ZNF827: variants seen among roughly 807,000 people sequenced by gnomAD.
The protein encoded by ZNF827 is zinc finger protein 827.
In ZNF827, 13 loss-of-function variants were observed where a neutral mutation model predicts 102.4. The observed-to-expected ratio is 0.13, with a 90% confidence interval of 0.08 to 0.20. ZNF827 has a LOEUF of 0.20. ZNF827 is among the 10% of genes least tolerant of loss of function. ZNF827 has a pLI of 1.00. For synonymous variants in ZNF827, 523 were observed against 536.2 expected (o/e 0.98, Z 0.34); for missense variants, 1,103 against 1,344.4 (o/e 0.82, Z 2.81).
rs534471650 is a variant in ZNF827 at position 145,870,980 on chromosome 4, T to C, written c.1748-502A>G. 9.2e-5 allele frequency among the ~76,000 whole-genome samples: 14 copies of C among 152,302 alleles called. No individual in the cohort carries two copies. In the South Asian group the frequency reaches 2.1e-3, roughly 23 times the overall value. On this transcript the variant is annotated intron_variant, in intron 4 of 14. Coordinates refer to ENST00000508784, the MANE Select transcript of ZNF827 (RefSeq NM_001306215.2). ...AAAGCTCAGACTAGAGATAGACCAC[T>C]CTTGCCTCATTATAAGACGACACTA...
chr4:145,846,453 G>C lies in ZNF827; in HGVS notation c.2222-440C>G, dbSNP rs1301719078. On this transcript the variant is annotated intron_variant, in intron 6 of 14. Coordinates refer to ENST00000508784, the MANE Select transcript of ZNF827 (RefSeq NM_001306215.2). ...AGATCGCGCCACTACACTCCAGCCTGAGCAACAGAGCAAGACTCTGTCTCA... is the reference window on the plus strand; with the variant it reads ...AGATCGCGCCACTACACTCCAGCCTCAGCAACAGAGCAAGACTCTGTCTCA... Among the ~76,000 whole-genome samples the C allele has an allele frequency of 1.8e-4, 27 of 150,036 alleles. 1 individual carries two copies. Among genetic ancestry groups the C allele is most frequent in the African/African-American group, 6.4e-4 (26 of 40,456 alleles).
chr4:145,803,406 G>A (rs968188914), intron 8 of ZNF827, among the ~76,000 whole-genome samples: 6 of 151,802 alleles, frequency 4.0e-5, no homozygotes, highest in African/African-American at 1.5e-4. Flanking sequence ...GCTCAAGCTG[G>A]TTACCACCAA....
At chr4:145,801,194 T>C (rs1740867203) in intron 8 of ZNF827, among the ~76,000 whole-genome samples, 1 of 152,330 alleles carries the variant, frequency 6.6e-6, no homozygotes, top group East Asian at 1.9e-4. Context: ...ATAGGATTCT[T>C]TTATAGAATC....
chr4:145,766,942 C>T (rs1735394030), intron 11 of ZNF827, among the ~76,000 whole-genome samples: 1 of 152,100 alleles, frequency 6.6e-6, no homozygotes, highest in Admixed American at 6.5e-5. Flanking sequence ...ACGAGGTTTC[C>T]AGGTAGCTAT....
chr4:145,764,691 A>G, intron 13 of ZNF827: 1 of 385,998 alleles, frequency 2.6e-6, no homozygotes, highest in Non-Finnish European at 4.8e-6. Flanking sequence ...AGTCTGAACA[A>G]AACTCAAGCA....
At chr4:145,868,423 A>G (rs1561019044) in intron 5 of ZNF827, among the ~76,000 whole-genome samples, 1 of 152,226 alleles carries the variant, frequency 6.6e-6, no homozygotes, top group Non-Finnish European at 1.5e-5. Context: ...CACATCACGA[A>G]GCAGGGGCAG....
At chr4:145,822,533 G>C (rs1185977218) in intron 8 of ZNF827, among the ~76,000 whole-genome samples, 1 of 152,202 alleles carries the variant, frequency 6.6e-6, no homozygotes, top group Non-Finnish European at 1.5e-5. Flanking sequence ...CAACAACCCT[G>C]CTGTGAGTAC....
chr4:145,821,295 A>G (rs908118540), intron 8 of ZNF827, among the ~76,000 whole-genome samples: 5 of 152,218 alleles, frequency 3.3e-5, no homozygotes, highest in African/African-American at 1.2e-4. Flanking sequence ...AGAGATTGAG[A>G]ATGTATAGTA....
At chr4:145,880,093 G>C (rs1749536516) in intron 4 of ZNF827, among the ~76,000 whole-genome samples, 1 of 152,164 alleles carries the variant, frequency 6.6e-6, no homozygotes, top group Non-Finnish European at 1.5e-5. Context: ...AAATTAGCTG[G>C]TCATGGTGGC....
intron 1 of ZNF827, among the ~76,000 whole-genome samples, chr4:145,910,979 G>A (rs1326226644): frequency 6.6e-6 from 1 of 152,180 alleles, no homozygotes; most frequent in Admixed American, 6.5e-5. Flanking sequence ...ACTGAACACA[G>A]AGCAGGCAGT....
At chr4:145,764,723 T>G in intron 13 of ZNF827, 1 of 497,472 alleles carries the variant, frequency 2.0e-6, no homozygotes, top group South Asian at 2.2e-5. Context: ...TCTTGCATGC[T>G]GGGTTGTTTC....
At chr4:145,793,595 G>A (rs1193630520) in intron 8 of ZNF827, among the ~76,000 whole-genome samples, 1 of 151,552 alleles carries the variant, frequency 6.6e-6, no homozygotes, top group African/African-American at 2.4e-5. Flanking sequence ...CCAGATTAAG[G>A]GTGGGTCTGC....
chr4:145,917,943 C>T (rs181721574), intron 1 of ZNF827, among the ~76,000 whole-genome samples: 1 of 152,046 alleles, frequency 6.6e-6, no homozygotes, highest in Non-Finnish European at 1.5e-5. Context: ...ACCAGCTTAT[C>T]CTCCACCCAA....
chr4:145,925,552 C>CACCTGGCTCA (rs1753361820), intron 1 of ZNF827, among the ~76,000 whole-genome samples: 1 of 152,102 alleles, frequency 6.6e-6, no homozygotes, highest in South Asian at 2.1e-4. Flanking sequence ...CTTCTGTGAG[C>CACCTGGCTCA]CAGGTAAATG....
chr4:145,824,523 G>A (rs1384903976), intron 7 of ZNF827, among the ~76,000 whole-genome samples: 1 of 152,182 alleles, frequency 6.6e-6, no homozygotes, highest in Non-Finnish European at 1.5e-5. Context: ...AGGCTGGAGG[G>A]ACAAAAGGAG....
In ZNF827 at chr4:145,903,140, G is replaced by A. The variant is rs149206051; in HGVS notation, c.119C>T (p.Pro40Leu). 105 of 1,614,168 alleles carry A rather than the reference G, an allele frequency of 6.5e-5. 1 individual carries two copies. The highest frequency in any genetic ancestry group is 3.7e-4 in the Admixed American group (22 of 60,022). Residue 40 changes from proline (P) to leucine (L), a missense_variant, in exon 2 of 15, where the codon CCG becomes CTG. Transcript: ENST00000508784. Reference sequence around the variant, plus strand: ...GACTTCCCCATAGGATGCTTCTGACGGAGTCTCTGAAGAGTTTCCATACCA... The same window carrying A: ...GACTTCCCCATAGGATGCTTCTGACAGAGTCTCTGAAGAGTTTCCATACCA... Reference protein sequence around the residue: ...EHWYGNSSETPSEASYGEVQE... With the variant: ...EHWYGNSSETLSEASYGEVQE...
At chr4:145,831,621 C>T (rs1744217059) in intron 7 of ZNF827, 1 of 152,130 alleles carries the variant, frequency 6.6e-6, no homozygotes, top group African/African-American at 2.4e-5. Context: ...TGGCTGTGGC[C>T]AATGAAACAG....
At chr4:145,767,677 G>C (rs190444632) in intron 11 of ZNF827, among the ~76,000 whole-genome samples, 1 of 152,286 alleles carries the variant, frequency 6.6e-6, no homozygotes, top group East Asian at 1.9e-4. Flanking sequence ...TTTCTCACTG[G>C]ACACTATGCA....
chr4:145,915,667 C>T (rs555918474), intron 1 of ZNF827, among the ~76,000 whole-genome samples: 28 of 152,238 alleles, frequency 1.8e-4, no homozygotes, highest in African/African-American at 5.8e-4. Context: ...TTCTCACATG[C>T]GAAATATATT....
Sources: allele counts gnomAD v4.1 joint callset (sites outside exome capture counted in the v4.1 genomes callset), GRCh38; gene constraint gnomAD v4.1.1; transcripts MANE v1.5; gene names NCBI Gene and HGNC (gene_info 2026-07-23, HGNC 2026-07-21).